NAP1L1: variants seen among roughly 807,000 people sequenced by gnomAD.
The protein encoded by NAP1L1 is nucleosome assembly protein 1 like 1.
A neutral mutation model predicts 58.9 loss-of-function variants in NAP1L1; 9 were observed. The observed-to-expected ratio is 0.15, with a 90% CI of 0.09 to 0.27. The LOEUF (loss-of-function observed/expected upper bound fraction) is 0.27, where lower values mean the gene tolerates loss of function less well. NAP1L1 is among the 10% of genes least tolerant of loss of function. The pLI is 1.00. For synonymous variants in NAP1L1, 130 were observed against 138.3 expected (o/e 0.94, Z 0.42); for missense variants, 302 against 458.8 (o/e 0.66, Z 3.12).
chr12:76,071,960 GA>G (rs59750917), intron 2 of NAP1L1, among the ~76,000 whole-genome samples: 121,731 of 144,738 alleles, frequency 0.84, 51,170 homozygotes, highest in East Asian at 0.99. Context: ...GACTAGCCCA[GA>G]AAAAAAAAAA....
chr12:76,059,512 G>A (rs939135757), intron 6 of NAP1L1: 3 of 318,026 alleles, frequency 9.4e-6, no homozygotes, highest in Non-Finnish European at 1.7e-5. Flanking sequence ...TTTAAGTCAG[G>A]TGCTGCAAAT....
rs1948551338 is a variant in NAP1L1 at position 76,041,626 on chromosome 12, A to G, written c.*6803T>C. 6.6e-6 allele frequency: 1 copy of G among 152,234 alleles called. No individual in the cohort carries two copies. The highest frequency in any genetic ancestry group is 2.1e-4 in the South Asian group (1 of 4,832). 9.4% of individuals were successfully genotyped at this position (152,234 alleles called of 1,614,324 possible). On this transcript the variant is annotated 3_prime_UTR_variant, in exon 15 of 15. Transcript: ENST00000618691. ...GTTAAGTGCGGCAGCTCCCACTTGT[A>G]AGCATAGCACCTCAGGAGGTTGAGG...
chr12:76,064,793 TA>T (rs531225855), intron 4 of NAP1L1, among the ~76,000 whole-genome samples: 1,638 of 144,964 alleles, frequency 0.011, 22 homozygotes, highest in African/African-American at 0.035. Context: ...TTAGTATGTT[TA>T]AAAAAAAAAA....
intron 3 of NAP1L1, 40 bp downstream of exon 3, chr12:76,068,869 G>T: frequency 6.9e-7 from 1 of 1,448,582 alleles, no homozygotes. Context: ...GTAGACATGT[G>T]CCAGCAATCA....
At chr12:76,068,806 G>C in intron 3 of NAP1L1, 103 bp downstream of exon 3, 1 of 681,454 alleles carries the variant, frequency 1.5e-6, no homozygotes, top group Non-Finnish European at 2.6e-6. Context: ...TAGATAAATG[G>C]GACAATGAGC....
At chr12:76,064,956 G>A (rs937405954) in intron 4 of NAP1L1, among the ~76,000 whole-genome samples, 1 of 152,038 alleles carries the variant, frequency 6.6e-6, no homozygotes, top group Non-Finnish European at 1.5e-5. Context: ...CCATTCCTTA[G>A]GCAATTGAAA....
At chr12:76,080,976 T>C (rs10748298) in intron 1 of NAP1L1, among the ~76,000 whole-genome samples, 96,592 of 151,982 alleles carry the variant, frequency 0.64, 31,101 homozygotes, top group East Asian at 0.96. Flanking sequence ...TGATACCCTG[T>C]ACTGCCTTGG....
chr12:76,060,257 G>A lies in NAP1L1; in HGVS notation c.229C>T (p.Arg77Ter). 6.2e-7 allele frequency: 1 copy of A among 1,613,846 alleles called. No individual in the cohort carries two copies. Among genetic ancestry groups the A allele is most frequent in the Middle Eastern group, 1.7e-4 (1 of 6,054 alleles). Residue 77 changes from arginine to a stop codon, truncating the protein, a stop_gained, in exon 5 of 15, where the codon CGA (arginine) becomes TGA (stop). Transcript: ENST00000618691. LOFTEE classifies it high-confidence loss of function. ...TGCAGGTTTTTGAGAGCATTCACTCGTCTTTTAACTACCCTAGGCAGGCTG... is the reference window on the plus strand; with the variant it reads ...TGCAGGTTTTTGAGAGCATTCACTCATCTTTTAACTACCCTAGGCAGGCTG... The part of the protein sequence containing the change: ...IESLPRVVKR[R>*]VNALKNLQVK...
intron 6 of NAP1L1, chr12:76,056,609 T>A (rs1462106910): frequency 2.2e-6 from 1 of 456,038 alleles, no homozygotes; most frequent in South Asian, 1.5e-5. Flanking sequence ...CTGCCATTAT[T>A]CATTGTGGGC....
Position 76,060,269 on chromosome 12 carries a change from C to A in NAP1L1, c.217G>T (p.Val73Leu), listed in dbSNP as rs760213536. 4.3e-6 allele frequency: 7 copies of A among 1,613,622 alleles called. No individual in the cohort carries two copies. Among genetic ancestry groups the A allele is most frequent in the Non-Finnish European group, 5.9e-6 (7 of 1,179,830 alleles). Reference protein sequence around the residue: ...PTGYIESLPRVVKRRVNALKN... With the variant: ...PTGYIESLPRLVKRRVNALKN... ...AGAGCATTCACTCGTCTTTTAACTA[C>A]CCTAGGCAGGCTGAAAGGTTAGAAA... The change falls in exon 5 of 15, where the codon GTA (valine) becomes TTA (leucine). Residue 73 changes from valine to leucine, a missense_variant. Coordinates refer to ENST00000618691, the MANE Select transcript of NAP1L1 (RefSeq NM_004537.7).
intron 14 of NAP1L1, among the ~76,000 whole-genome samples, chr12:76,048,788 G>A (rs1948692636): frequency 6.6e-6 from 1 of 151,998 alleles, no homozygotes; most frequent in African/African-American, 2.4e-5. Flanking sequence ...AAATTCTCAG[G>A]AATAATAGAC....
At chr12:76,077,158 G>A (rs1345702987) in intron 1 of NAP1L1, among the ~76,000 whole-genome samples, 1 of 152,186 alleles carries the variant, frequency 6.6e-6, no homozygotes, top group East Asian at 1.9e-4. Context: ...ATGTCCATTT[G>A]CAGCATTACA....
At position 76,057,187 on chromosome 12, in the gene NAP1L1, G is replaced by A. The variant is rs552227016; in HGVS notation, c.430-1026C>T. 8.7e-5 allele frequency: 18 copies of A among 207,448 alleles called. No individual in the cohort carries two copies. In the South Asian group the frequency reaches 1.4e-3, roughly 17 times the overall value. The allele number at this position is 207,448 out of a possible 1,614,324, so 12.9% of individuals were successfully genotyped here. On this transcript the variant is annotated intron_variant, in intron 6 of 14. Transcript: ENST00000618691. The stretch of plus-strand genomic sequence containing the variant: ...AGCTTCAGATAGTCCTAGCAACTTG[G>A]GAGGCTGAGGTGGGAGAATAGCTTG...
rs752306314 is a variant in NAP1L1 at position 76,050,585 on chromosome 12, G to A, written c.1005C>T (p.Ile335=). The change falls in exon 12 of 15, where the codon ATC becomes ATT. Residue 335 remains isoleucine, a synonymous_variant. Transcript: ENST00000618691. ...EIGHFLRERI[I]PRSVLYFTGE... is the part of the protein sequence containing the mutation. Reference sequence around the variant, plus strand: ...CAGTAAAATATAACACTGATCTTGGGATTATACGCTCACGTAAAAAGTGAC... The same window carrying A: ...CAGTAAAATATAACACTGATCTTGGAATTATACGCTCACGTAAAAAGTGAC... 1.9e-6 allele frequency: 3 copies of A among 1,612,756 alleles called. No homozygotes were observed. The highest frequency in any genetic ancestry group is 2.5e-6 in the Non-Finnish European group (3 of 1,179,644).
chr12:76,058,387 CTTTTTT>C (rs34510500), intron 6 of NAP1L1, among the ~76,000 whole-genome samples: 2 of 133,192 alleles, frequency 1.5e-5, no homozygotes, highest in Non-Finnish European at 3.2e-5. Flanking sequence ...TTATTTGGTA[CTTTTTT>C]TTTTTTTTTT....
At chr12:76,066,053 TA>T (rs751319470) in intron 4 of NAP1L1, among the ~76,000 whole-genome samples, 1,933 of 117,276 alleles carry the variant, frequency 0.016, 30 homozygotes, top group African/African-American at 0.052. Context: ...GAATAGTGTT[TA>T]AAAAAAAAAA....
At position 76,053,361 on chromosome 12, in the gene NAP1L1, A is replaced by G. The variant is rs1364085013; in HGVS notation, c.771-11T>C. 1 of 1,603,912 alleles carries G rather than the reference A, an allele frequency of 6.2e-7. No individual in the cohort carries two copies. The highest frequency in any genetic ancestry group is 8.5e-7 in the Non-Finnish European group (1 of 1,176,854). The stretch of plus-strand genomic sequence containing the variant: ...CAATCTATCTGGCACCTTGCAAAAC[A>G]AAGAAGAAAAATCTATTACAATTGA... On this transcript the variant is annotated splice_polypyrimidine_tract_variant and intron_variant, in intron 9 of 14. Transcript: ENST00000618691.
At chr12:76,063,525 T>C (rs112311393) in intron 4 of NAP1L1, among the ~76,000 whole-genome samples, 11 of 152,312 alleles carry the variant, frequency 7.2e-5, no homozygotes, top group African/African-American at 2.6e-4. Flanking sequence ...AGGCCGAGTG[T>C]GGTGGCTCAT....
In NAP1L1 at chr12:76,063,881, T is replaced by TA. The variant is rs10693123; in HGVS notation, c.206+3489dup. Among the ~76,000 whole-genome samples the TA allele has an allele frequency of 1.0e-2, 1,369 of 137,390 alleles. 17 individuals carry two copies. The highest frequency in any genetic ancestry group is 0.031 in the African/African-American group (1,103 of 35,952). 90.1% of individuals were successfully genotyped at this position (137,390 alleles called of 152,430 possible). On this transcript the variant is annotated intron_variant, in intron 4 of 14. Coordinates refer to ENST00000618691, the MANE Select transcript of NAP1L1 (RefSeq NM_004537.7). ...AAAAAGACATACTAGGTTAAAAGTT[T>TA]AAAAAAAAAAAAAAAAAAAAAGAGG...
Sources: allele counts gnomAD v4.1 joint callset (sites outside exome capture counted in the v4.1 genomes callset), GRCh38; gene constraint gnomAD v4.1.1; transcripts MANE v1.5; gene names NCBI Gene and HGNC (gene_info 2026-07-23, HGNC 2026-07-21).